The following RDH13 variants were observed in gnomAD, a reference collection of about 807,000 sequenced individuals.
The protein encoded by RDH13 is retinol dehydrogenase 13 (all-trans and 9-cis).
RDH13 carries 35 observed loss-of-function variants against 28.3 expected under a neutral mutation model. That is an observed-to-expected ratio of 1.24 (90% confidence interval 0.95 to 1.64). The LOEUF (loss-of-function observed/expected upper bound fraction) is 1.64. RDH13 is among the 40% of genes most tolerant of loss of function. RDH13 has a pLI of 0.00. For missense variants in RDH13, 514 were observed against 446.3 expected (o/e 1.15, Z -1.37); for synonymous variants, 229 against 198.5 (o/e 1.15, Z -1.29).
chr19:55,064,375 T>G (rs1036144069), upstream of RDH13: 10 of 151,292 alleles, frequency 6.6e-5, no homozygotes, highest in African/African-American at 1.9e-4. Flanking sequence ...GAGCCGAGAT[T>G]GCCCTACTGC....
At position 55,048,245 on chromosome 19, in the gene RDH13, G is replaced by A. The variant is rs766931628; in HGVS notation, c.658+84C>T. On this transcript the variant is annotated intron_variant, in intron 5 of 6. Transcript: ENST00000415061. ...GACTCTGTTCTGGATCCACCGTTTG[G>A]CCTCCCATCAGCCTAGGATCATGGA... The A allele has an allele frequency of 7.6e-6, 12 of 1,585,138 alleles. No individual in the cohort carries two copies. In the African/African-American group the frequency reaches 1.3e-4, roughly 18 times the overall value.
chr19:55,043,897 C>A (rs1357830681), downstream of RDH13, among the ~76,000 whole-genome samples: 4 of 148,812 alleles, frequency 2.7e-5, no homozygotes, highest in African/African-American at 9.8e-5. Context: ...GTGAAAGGGG[C>A]TTTCATCTCT....
At chr19:55,048,239 C>T (rs765729531) in intron 5 of RDH13, 90 bp downstream of exon 5, 21 of 1,576,546 alleles carry the variant, frequency 1.3e-5, no homozygotes, top group South Asian at 8.0e-5. Flanking sequence ...CTGGATCCAC[C>T]GTTTGGCCTC....
intron 2 of RDH13, among the ~76,000 whole-genome samples, chr19:55,058,352 C>T (rs1003427647): frequency 1.1e-4 from 16 of 151,086 alleles, no homozygotes; most frequent in African/African-American, 3.7e-4. Context: ...CATGCCACTG[C>T]ACTCCAGCCT....
At chr19:55,063,670 G>T, upstream of RDH13, 1 of 151,364 alleles carries the variant, frequency 6.6e-6, no homozygotes, top group South Asian at 1.8e-4. Flanking sequence ...CTGGGAGCAT[G>T]GACTTCTGGG....
chr19:55,045,524 G>A (rs1276658700), intron 6 of RDH13, among the ~76,000 whole-genome samples: 1 of 152,136 alleles, frequency 6.6e-6, no homozygotes, highest in Non-Finnish European at 1.5e-5. Context: ...CCTCCCCCAA[G>A]GAGCCTTCCT....
At chr19:55,059,104 T>G in intron 2 of RDH13, 53 bp downstream of exon 2, 8 of 1,189,600 alleles carry the variant, frequency 6.7e-6, no homozygotes, top group Non-Finnish European at 8.6e-6. Flanking sequence ...AATGCTGCAG[T>G]GAGCATGGAT....
At chr19:55,061,900 C>G (rs566864901) in intron 1 of RDH13, among the ~76,000 whole-genome samples, 3 of 152,082 alleles carry the variant, frequency 2.0e-5, no homozygotes, top group Non-Finnish European at 2.9e-5. Flanking sequence ...GCCAGATCCC[C>G]TTTGGTCGGG....
In RDH13 at chr19:55,062,998, C is replaced by T; in HGVS notation, c.35G>A (p.Gly12Asp). Residue 12 changes from glycine to aspartate, a missense_variant, in exon 1 of 7, where the codon GGC (glycine) becomes GAC (aspartate). Transcript: ENST00000415061. Reference protein sequence around the residue: ...SRYLLPLSALGTVAGAAVLLK... With the variant: ...SRYLLPLSALDTVAGAAVLLK... ...CAGCACGGCGGCGCCTGCTACCGTG[C>T]CCAGCGCCGACAGCGGCAGCAGGTA... is the stretch of plus-strand genomic sequence containing the variant. 6.8e-7 allele frequency: 1 copy of T among 1,471,484 alleles called. No homozygotes were observed. The highest frequency in any genetic ancestry group is 9.0e-7 in the Non-Finnish European group (1 of 1,113,398). 91.2% of individuals were successfully genotyped at this position (1,471,484 alleles called of 1,614,324 possible). A position where few individuals can be genotyped will look rare whatever the true frequency, so the allele number is the denominator to read the frequency against.
At chr19:55,043,977 CAT>C (rs2075112950), downstream of RDH13, 1 of 150,748 alleles carries the variant, frequency 6.6e-6, no homozygotes, top group Non-Finnish European at 1.5e-5. Flanking sequence ...AGGGCAGTGG[CAT>C]GATCTCGGCT....
chr19:55,051,875 G>C (rs1025529517), intron 3 of RDH13, among the ~76,000 whole-genome samples: 2 of 151,838 alleles, frequency 1.3e-5, no homozygotes, highest in Non-Finnish European at 2.9e-5. Context: ...TGAACCACAG[G>C]CGCCCGACAC....
chr19:55,048,362 GGAC>G lies in RDH13; in HGVS notation c.622_624del (p.Val208del), dbSNP rs773489642. On this transcript the variant is annotated inframe_deletion, in exon 5 of 7. Coordinates refer to ENST00000415061, the MANE Select transcript of RDH13 (RefSeq NM_001145971.2). ...CGCCGGCTCAGCTCCTTGGTGAAGAGGACGATGGCGAGCTTGCTCTGGCAGTAG... is the reference window on the plus strand; with the variant it reads ...CGCCGGCTCAGCTCCTTGGTGAAGAGGATGGCGAGCTTGCTCTGGCAGTAG... The G allele has an allele frequency of 4.3e-6, 7 of 1,614,194 alleles. No homozygotes were observed. Among genetic ancestry groups the G allele is most frequent in the Non-Finnish European group, 5.9e-6 (7 of 1,180,046 alleles).
chr19:55,061,610 G>A (rs570562254), intron 1 of RDH13, among the ~76,000 whole-genome samples: 365 of 151,658 alleles, frequency 2.4e-3, no homozygotes, highest in Non-Finnish European at 4.0e-3. Flanking sequence ...TGGCCAACAT[G>A]CTGACACCCC....
At chr19:55,040,776 G>C (rs2569513), downstream of RDH13, 1 of 152,166 alleles carries the variant, frequency 6.6e-6, no homozygotes, top group African/African-American at 2.4e-5. Flanking sequence ...CTTATTGAAC[G>C]AGTGGTTTCA....
chr19:55,059,528 C>T (rs1227376791), intron 1 of RDH13, among the ~76,000 whole-genome samples: 1 of 128,160 alleles, frequency 7.8e-6, no homozygotes, highest in Non-Finnish European at 1.6e-5. Flanking sequence ...GATTCCCGGC[C>T]AGGTGAGGGG....
chr19:55,053,455 A>G (rs573211208), intron 3 of RDH13, among the ~76,000 whole-genome samples: 37 of 151,910 alleles, frequency 2.4e-4, no homozygotes, highest in Admixed American at 6.6e-4. Flanking sequence ...GGAGATCGAG[A>G]CCATCCTGGC....
intron 5 of RDH13, 61 bp downstream of exon 5, chr19:55,048,268 G>A (rs778780349): frequency 6.2e-7 from 1 of 1,604,126 alleles, no homozygotes; most frequent in Non-Finnish European, 8.5e-7. Flanking sequence ...CTAGGATCAT[G>A]GAAAGGCCGC....
At position 55,063,122 on chromosome 19, in the gene RDH13, G is replaced by C; in HGVS notation, c.-90C>G. 8.5e-7 allele frequency: 1 copy of C among 1,175,174 alleles called. No homozygotes were observed. The highest frequency in any genetic ancestry group is 1.6e-5 in the African/African-American group (1 of 63,018). 72.8% of individuals were successfully genotyped at this position (1,175,174 alleles called of 1,614,324 possible). On this transcript the variant is annotated 5_prime_UTR_variant, in exon 1 of 7. Transcript: ENST00000415061. ...TGGGTAGCTCCGAGGAAGAGCGCGC[G>C]ACGCAGCCACAGGCGAGCGGAGGCG...
chr19:55,069,301 G>A (rs184796841), intron 1 of RDH13: 13 of 152,040 alleles, frequency 8.6e-5, no homozygotes, highest in Non-Finnish European at 1.8e-4. Context: ...GTTCTCAGAG[G>A]AACGCCCAGG....
Sources: gnomAD v4.1 joint callset for allele counts (sites outside exome capture counted in the v4.1 genomes callset) on GRCh38, gnomAD v4.1.1 for gene constraint, MANE v1.5 for transcripts, NCBI Gene and HGNC (gene_info 2026-07-23, HGNC 2026-07-21) for gene names.